The following SLC8B1 variants were observed in gnomAD, a reference collection of about 807,000 sequenced individuals.
SLC8B1 encodes mitochondrial sodium/calcium exchanger protein.
Under a neutral mutation model 63.4 loss-of-function variants are expected in SLC8B1, and 52 were observed. The ratio of observed to expected loss-of-function variants is 0.82; its 90% CI spans 0.66 to 1.03. SLC8B1 has a LOEUF of 1.03. SLC8B1 is among the 50% of genes least tolerant of loss of function. SLC8B1 has a pLI of 0.00. For missense variants in SLC8B1, 657 were observed against 741.7 expected (o/e 0.89, Z 1.33); for synonymous variants, 336 against 323.9 (o/e 1.04, Z -0.40).
At chr12:113,307,655 C>A in intron 13 of SLC8B1, 36 bp downstream of exon 13, 1 of 1,600,072 alleles carries the variant, frequency 6.2e-7, no homozygotes, top group Non-Finnish European at 8.5e-7. Context: ...TGTGGCCGCA[C>A]TCACCCCCAC....
intron 11 of SLC8B1, among the ~76,000 whole-genome samples, chr12:113,315,024 G>A (rs926324602): frequency 2.6e-5 from 4 of 152,222 alleles, no homozygotes; most frequent in Non-Finnish European, 4.4e-5. Flanking sequence ...GGTGGCTCAC[G>A]CCTGTAATCC....
chr12:113,303,053 GACAC>G (rs138136092), intron 15 of SLC8B1, among the ~76,000 whole-genome samples: 9,541 of 142,124 alleles, frequency 0.067, 334 homozygotes, highest in East Asian at 0.1. Flanking sequence ...AAAGGTGGTA[GACAC>G]ACACACACAC....
At chr12:113,327,013 G>C (rs1197370529) in intron 2 of SLC8B1, among the ~76,000 whole-genome samples, 1 of 152,136 alleles carries the variant, frequency 6.6e-6, no homozygotes, top group Non-Finnish European at 1.5e-5. Context: ...CCACCCAAAA[G>C]CAACAGTCAG....
chr12:113,316,419 G>C, intron 10 of SLC8B1, 107 bp downstream of exon 10: 3 of 1,379,660 alleles, frequency 2.2e-6, no homozygotes, highest in South Asian at 2.8e-5. Context: ...TTCTGAGAGG[G>C]TCTCAGTGGA....
At chr12:113,302,639 C>T (rs764013228) in intron 15 of SLC8B1, 28 of 456,102 alleles carry the variant, frequency 6.1e-5, no homozygotes, top group South Asian at 3.6e-4. Flanking sequence ...CATGAGGTAC[C>T]GTGTGGGCTG....
chr12:113,318,394 ATTTG>A lies in SLC8B1; in HGVS notation c.802+566_802+569del, dbSNP rs527896410. On this transcript the variant is annotated intron_variant, in intron 8 of 15. Transcript: ENST00000680972. ...GTGTGTGTTGTATATGTGTGCATGT[ATTTG>A]TGTGTGTGCATATATTTGTATGTGT... Among the ~76,000 whole-genome samples, 303 of 150,380 alleles carry A rather than the reference ATTTG, an allele frequency of 2.0e-3. 2 individuals carry two copies. The highest frequency in any genetic ancestry group is 6.8e-3 in the African/African-American group (274 of 40,578).
intron 10 of SLC8B1, 107 bp downstream of exon 10, chr12:113,316,419 G>A (rs1172724459): frequency 1.4e-6 from 2 of 1,379,660 alleles, no homozygotes; most frequent in Non-Finnish European, 2.0e-6. Context: ...TTCTGAGAGG[G>A]TCTCAGTGGA....
At chr12:113,333,523 G>A (rs934106885) in intron 1 of SLC8B1, among the ~76,000 whole-genome samples, 15 of 152,206 alleles carry the variant, frequency 9.9e-5, no homozygotes, top group Non-Finnish European at 1.3e-4. Flanking sequence ...CATGCCGAGC[G>A]GGGGTAGCAC....
At chr12:113,314,007 C>CAAAAT (rs1270520507) in intron 11 of SLC8B1, among the ~76,000 whole-genome samples, 1 of 151,632 alleles carries the variant, frequency 6.6e-6, no homozygotes, top group Admixed American at 6.6e-5. Context: ...GACTACGTCT[C>CAAAAT]AAAATAAAAT....
intron 14 of SLC8B1, among the ~76,000 whole-genome samples, chr12:113,304,630 T>C (rs1956647941): frequency 6.6e-6 from 1 of 151,986 alleles, no homozygotes; most frequent in South Asian, 2.1e-4. Flanking sequence ...AAAAAAAAAT[T>C]TGGTGGGGGT....
Position 113,317,019 on chromosome 12 carries a change from A to T in SLC8B1, c.803-18T>A. On this transcript the variant is annotated intron_variant, in intron 8 of 15. Transcript: ENST00000680972. ...GAGGATCTCTGCAGGAGAGAGGCCC[A>T]GTTACATACAGAACCCAGACCATTT... 1 of 1,609,100 alleles carries T rather than the reference A, an allele frequency of 6.2e-7. No individual in the cohort carries two copies. Among genetic ancestry groups the T allele is most frequent in the East Asian group, 2.2e-5 (1 of 44,844 alleles).
intron 2 of SLC8B1, among the ~76,000 whole-genome samples, chr12:113,330,299 G>A (rs1957041136): frequency 6.6e-6 from 1 of 152,194 alleles, no homozygotes; most frequent in Non-Finnish European, 1.5e-5. Flanking sequence ...GGGGCTGGGG[G>A]GGCCTTTCCC....
rs566960167 is a variant in SLC8B1 at position 113,305,007 on chromosome 12, G to A, written c.1493-622C>T. 5.9e-5 allele frequency among the ~76,000 whole-genome samples: 9 copies of A among 152,360 alleles called. 1 individual carries two copies. In the South Asian group the frequency reaches 1.2e-3, roughly 21 times the overall value. ...TATCTTTTTAGGCCTTTAAGAAGAT[G>A]GGTGCTGAGTAAGTGTTGCAGTCAG... On this transcript the variant is annotated intron_variant, in intron 14 of 15. Coordinates refer to ENST00000680972, the MANE Select transcript of SLC8B1 (RefSeq NM_001358345.2). This position sits in a 1 kb window ranked among gnomAD's most constrained non-coding sequence, Gnocchi z 4.3.
intron 2 of SLC8B1, among the ~76,000 whole-genome samples, chr12:113,323,425 C>A (rs1956956878): frequency 6.6e-6 from 1 of 152,082 alleles, no homozygotes; most frequent in African/African-American, 2.4e-5. Context: ...AACTGCAAGT[C>A]TGGCCAGGTG....
chr12:113,299,783 G>T lies in SLC8B1; in HGVS notation c.1749C>A (p.Ser583Arg), dbSNP rs1392290830. 6.2e-7 allele frequency: 1 copy of T among 1,614,056 alleles called. No individual in the cohort carries two copies. The highest frequency in any genetic ancestry group is 1.3e-5 in the African/African-American group (1 of 74,946). ...LTEFGVIHLK[S>R]M is the part of the protein sequence containing the mutation. ...CAGCACTAAGCGGCTTCAGTCACAT[G>T]CTTTTCAGGTGAATCACTCCAAATT... is the stretch of plus-strand genomic sequence containing the variant. The change falls in exon 16 of 16, where the codon AGC (serine) becomes AGA (arginine). Residue 583 changes from serine (S) to arginine (R), a missense_variant. Transcript: ENST00000680972.
chr12:113,325,260 A>G (rs1168328866), intron 2 of SLC8B1, among the ~76,000 whole-genome samples: 1 of 151,896 alleles, frequency 6.6e-6, no homozygotes, highest in African/African-American at 2.4e-5. Flanking sequence ...TTGTTTACTG[A>G]ATTTTATTAT....
intron 12 of SLC8B1, chr12:113,308,750 C>T (rs1447888935): frequency 6.6e-6 from 1 of 152,180 alleles, no homozygotes; most frequent in South Asian, 2.1e-4. Flanking sequence ...CTAAATGATC[C>T]ATTTGCTGAA....
intron 8 of SLC8B1, among the ~76,000 whole-genome samples, chr12:113,318,234 TTGTG>T (rs200148293): frequency 1.2e-4 from 19 of 152,192 alleles, no homozygotes; most frequent in East Asian, 3.9e-4. Context: ...ATGTACACAT[TTGTG>T]TGTGTGTTGT....
intron 9 of SLC8B1, 105 bp from the exon 10 acceptor site, chr12:113,316,761 C>T (rs1251857907): frequency 5.2e-6 from 8 of 1,544,802 alleles, no homozygotes; most frequent in African/African-American, 1.4e-5. Context: ...AAGGAGGAGA[C>T]AAAGCCCAGT....
Sources: allele counts gnomAD v4.1 joint callset (sites outside exome capture counted in the v4.1 genomes callset), GRCh38; gene constraint gnomAD v4.1.1; non-coding constraint Gnocchi (gnomAD v3.1); transcripts MANE v1.5; gene names NCBI Gene and HGNC (gene_info 2026-07-23, HGNC 2026-07-21).